LOC400499: variants seen among roughly 807,000 people sequenced by gnomAD.
chr16:11,494,678 T>A, the LOC400499 span: 1 of 399,382 alleles, frequency 2.5e-6, no homozygotes, highest in Admixed American at 4.4e-5. Flanking sequence ...GCAGGGCCCG[T>A]CCAGAGAAGC....
At chr16:11,451,190 G>C in the LOC400499 span, among the ~76,000 whole-genome samples, 8 of 152,246 alleles carry the variant, frequency 5.3e-5, no homozygotes, top group African/African-American at 1.7e-4. Context: ...GATGAGGCAA[G>C]TGGGGTCAAC....
chr16:11,411,654 G>A, the LOC400499 span, among the ~76,000 whole-genome samples: 4 of 152,078 alleles, frequency 2.6e-5, no homozygotes, highest in African/African-American at 9.7e-5. Flanking sequence ...TGGTATCAAG[G>A]GTTAAACATG....
At chr16:11,510,233 T>C in the LOC400499 span, among the ~76,000 whole-genome samples, 1 of 151,620 alleles carries the variant, frequency 6.6e-6, no homozygotes, top group Admixed American at 6.6e-5. Flanking sequence ...GTGTGCCTTC[T>C]AGATGCTGTC....
At chr16:11,383,978 G>A in the LOC400499 span, 7 of 1,231,736 alleles carry the variant, frequency 5.7e-6, no homozygotes, top group Admixed American at 3.0e-4. Flanking sequence ...TCCTGCTGAG[G>A]CTTCTCAGTG....
the LOC400499 span, among the ~76,000 whole-genome samples, chr16:11,408,724 A>G: frequency 6.6e-6 from 1 of 152,110 alleles, no homozygotes; most frequent in Admixed American, 6.5e-5. Context: ...TGGCCTCCCA[A>G]AGTGTTGTGA....
chr16:11,394,933 G>A, the LOC400499 span, among the ~76,000 whole-genome samples: 6 of 152,312 alleles, frequency 3.9e-5, no homozygotes, highest in African/African-American at 1.4e-4. Context: ...TCCAGTTGGT[G>A]GCAATTTAAT....
chr16:11,450,619 G>T, the LOC400499 span: 1 of 1,535,958 alleles, frequency 6.5e-7, no homozygotes, highest in Non-Finnish European at 8.7e-7. Flanking sequence ...CCGGAGGTAG[G>T]TGGTAGCTGC....
At chr16:11,393,338 G>T in the LOC400499 span, 2 of 1,223,132 alleles carry the variant, frequency 1.6e-6, no homozygotes, top group Non-Finnish European at 2.0e-6. Context: ...CCTTTCTTGA[G>T]CCAACAGGGG....
At chr16:11,457,007 AT>A in the LOC400499 span, 1 of 1,534,550 alleles carries the variant, frequency 6.5e-7, no homozygotes, top group Non-Finnish European at 8.7e-7. Flanking sequence ...GCACGCGGCA[AT>A]CCACCTGCCT....
At chr16:11,385,241 G>C in the LOC400499 span, 1 of 1,232,290 alleles carries the variant, frequency 8.1e-7, no homozygotes, top group African/African-American at 1.5e-5. Flanking sequence ...TGAGGGTCTT[G>C]TGGTTAAGTT....
chr16:11,399,174 G>A, the LOC400499 span: 3 of 980,956 alleles, frequency 3.1e-6, no homozygotes, highest in African/African-American at 1.8e-5. Context: ...CGGAGCTCCC[G>A]ATCTCCCTCC....
chr16:11,485,106 C>G, the LOC400499 span: 17 of 398,938 alleles, frequency 4.3e-5, no homozygotes, highest in East Asian at 6.1e-4. Context: ...CAGGGAGGAA[C>G]AATTCAGTCA....
chr16:11,405,398 G>C, the LOC400499 span, among the ~76,000 whole-genome samples: 1 of 152,194 alleles, frequency 6.6e-6, no homozygotes, highest in Non-Finnish European at 1.5e-5. Flanking sequence ...CAGGGAGATA[G>C]TCGAGATAGT....
chr16:11,377,208 A>C, the LOC400499 span, among the ~76,000 whole-genome samples: 1 of 152,218 alleles, frequency 6.6e-6, no homozygotes, highest in African/African-American at 2.4e-5. Flanking sequence ...TGTAATCCTG[A>C]AACTTTGACA....
At chr16:11,460,713 C>CT in the LOC400499 span, 9 of 1,415,340 alleles carry the variant, frequency 6.4e-6, no homozygotes, top group Non-Finnish European at 8.4e-6. Flanking sequence ...TCAGCCACAC[C>CT]CCCCATGCTT....
the LOC400499 span, among the ~76,000 whole-genome samples, chr16:11,454,885 C>T: frequency 6.6e-6 from 1 of 152,026 alleles, no homozygotes; most frequent in Non-Finnish European, 1.5e-5. Context: ...AAGGAATTCC[C>T]AGGTTGATGG....
the LOC400499 span, among the ~76,000 whole-genome samples, chr16:11,493,261 G>A: frequency 6.6e-6 from 1 of 152,218 alleles, no homozygotes; most frequent in Non-Finnish European, 1.5e-5. Flanking sequence ...CTCTTGCAAT[G>A]ACTTGACTCT....
chr16:11,457,043 G>T, the LOC400499 span: 1 of 1,515,008 alleles, frequency 6.6e-7, no homozygotes, highest in Non-Finnish European at 8.8e-7. Flanking sequence ...GCACAAACTG[G>T]AGAATGCCCA....
chr16:11,416,358 C>A, the LOC400499 span, among the ~76,000 whole-genome samples: 1 of 152,102 alleles, frequency 6.6e-6, no homozygotes, highest in African/African-American at 2.4e-5. Context: ...ATATGGGGGT[C>A]AGAGGATGGC....
Sources: allele counts gnomAD v4.1 joint callset (sites outside exome capture counted in the v4.1 genomes callset), GRCh38; gene constraint gnomAD v4.1.1; transcripts MANE v1.5.